Variants in PIK3AP1 observed in about 807,000 individuals in gnomAD.
PIK3AP1 encodes the protein phosphoinositide 3-kinase adapter protein 1.
A neutral mutation model predicts 88.1 loss-of-function variants in PIK3AP1; 21 were observed. The ratio of observed to expected loss-of-function variants is 0.24; its 90% confidence interval spans 0.17 to 0.34. The LOEUF is 0.34. Ranked by LOEUF, PIK3AP1 falls within the 10% of genes least tolerant of loss-of-function variation. The pLI is 1.00. For missense variants in PIK3AP1, 828 were observed against 1,035.7 expected, an observed-to-expected ratio of 0.80 and a Z score of 2.75; for synonymous variants, 398 against 400.0, an observed-to-expected ratio of 1.00 and a Z score of 0.06.
At chr10:96,647,153 A>T (rs1488794584) in intron 7 of PIK3AP1, among the ~76,000 whole-genome samples, 1 of 152,234 alleles carries the variant, frequency 6.6e-6, no homozygotes, top group Non-Finnish European at 1.5e-5. Flanking sequence ...GAAAGCAAAG[A>T]TGGTATGACC....
At chr10:96,671,737 T>C (rs1843850265) in intron 2 of PIK3AP1, among the ~76,000 whole-genome samples, 1 of 152,098 alleles carries the variant, frequency 6.6e-6, no homozygotes, top group Non-Finnish European at 1.5e-5. Flanking sequence ...ACTTTCCTAA[T>C]TCAGACTTTA....
chr10:96,629,930 A>AAAAAAG (rs776780994), intron 8 of PIK3AP1, among the ~76,000 whole-genome samples: 1 of 13,726 alleles, frequency 7.3e-5, no homozygotes, highest in African/African-American at 1.8e-4. Flanking sequence ...AAAAAAAAAA[A>AAAAAAG]AAGAAGAAGA....
chr10:96,637,602 G>A (rs1210770177), intron 8 of PIK3AP1, among the ~76,000 whole-genome samples: 1 of 151,966 alleles, frequency 6.6e-6, no homozygotes, highest in Non-Finnish European at 1.5e-5. Context: ...TGCCCACTTT[G>A]GCCTCCCAAA....
At chr10:96,598,539 A>G (rs1848824035) in intron 16 of PIK3AP1, among the ~76,000 whole-genome samples, 1 of 152,178 alleles carries the variant, frequency 6.6e-6, no homozygotes, top group Admixed American at 6.5e-5. Flanking sequence ...TTACTCTGCC[A>G]GGCACTAGGG....
chr10:96,672,947 C>T (rs1843867363), intron 2 of PIK3AP1, among the ~76,000 whole-genome samples: 1 of 152,218 alleles, frequency 6.6e-6, no homozygotes, highest in African/African-American at 2.4e-5. Context: ...AGATGACTAT[C>T]TCCATTTTGC....
intron 2 of PIK3AP1, among the ~76,000 whole-genome samples, chr10:96,677,626 C>CACAA (rs1554960886): frequency 3.7e-4 from 54 of 146,528 alleles, no homozygotes; most frequent in African/African-American, 1.1e-3. Context: ...CACACACACA[C>CACAA]AAAAGGCCTT....
intron 13 of PIK3AP1, among the ~76,000 whole-genome samples, chr10:96,614,203 C>T (rs1393356852): frequency 6.6e-6 from 1 of 152,232 alleles, no homozygotes; most frequent in Admixed American, 6.5e-5. Flanking sequence ...GACTCCTGGG[C>T]CTTCAAACAC....
At chr10:96,677,440 A>C (rs60908548) in intron 2 of PIK3AP1, among the ~76,000 whole-genome samples, 3,920 of 152,162 alleles carry the variant, frequency 0.026, 182 homozygotes, top group African/African-American at 0.09. Flanking sequence ...TGGGTGAGCC[A>C]CTTCCCCTGG....
At chr10:96,614,397 C>T (rs1314681853) in intron 13 of PIK3AP1, among the ~76,000 whole-genome samples, 1 of 143,290 alleles carries the variant, frequency 7.0e-6, no homozygotes, top group Non-Finnish European at 1.6e-5. Context: ...CTCGAAACAG[C>T]TTTTCTGCCT....
At chr10:96,657,050 C>T (rs1236938011) in intron 2 of PIK3AP1, 116 bp from the exon 3 acceptor site, 1 of 1,085,366 alleles carries the variant, frequency 9.2e-7, no homozygotes, top group Non-Finnish European at 1.3e-6. Context: ...AATGTCAAAC[C>T]AATACAAGCA....
chr10:96,658,024 C>T (rs569866795), intron 2 of PIK3AP1, among the ~76,000 whole-genome samples: 58 of 145,038 alleles, frequency 4.0e-4, no homozygotes, highest in Non-Finnish European at 5.9e-4. Flanking sequence ...GATTGCACCA[C>T]TGCACTCCAG....
intron 2 of PIK3AP1, among the ~76,000 whole-genome samples, chr10:96,708,672 G>A (rs1261745967): frequency 6.7e-6 from 1 of 150,090 alleles, no homozygotes; most frequent in African/African-American, 2.4e-5. Context: ...TTCTGTTACT[G>A]TTAATCAGAG....
chr10:96,654,151 C>T (rs1020060337), intron 3 of PIK3AP1, among the ~76,000 whole-genome samples: 3 of 152,168 alleles, frequency 2.0e-5, no homozygotes, highest in African/African-American at 4.8e-5. Flanking sequence ...AAGAACTTCT[C>T]GGGGGATTAA....
chr10:96,676,979 G>T (rs1181552068), intron 2 of PIK3AP1, among the ~76,000 whole-genome samples: 2 of 152,086 alleles, frequency 1.3e-5, no homozygotes, highest in South Asian at 4.2e-4. Context: ...GGTCATGCTG[G>T]GGTGGAGGGA....
At position 96,709,955 on chromosome 10, in the gene PIK3AP1, G is replaced by T. The variant is rs267602653; in HGVS notation, c.42C>A (p.Ile14=). The T allele has an allele frequency of 6.3e-7, 1 of 1,597,446 alleles. No homozygotes were observed. Among genetic ancestry groups the T allele is most frequent in the Admixed American group, 1.7e-5 (1 of 59,512 alleles). The change falls in exon 2 of 17, where the codon ATC becomes ATA. Residue 14 remains isoleucine (I), a synonymous_variant. Transcript: ENST00000339364. ...ATTCCTCGGCATCCGGGCTGTAGAC[G>T]ATGAGGATGTCGCATCCTCTGGGCA... ...SGVPRGCDIL[I]VYSPDAEEWC... is the part of the protein sequence containing the mutation.
intron 11 of PIK3AP1, chr10:96,621,342 A>C (rs369632153): frequency 6.5e-5 from 10 of 152,836 alleles, no homozygotes; most frequent in African/African-American, 2.4e-4. Flanking sequence ...TAGTCCTCAA[A>C]GGCAACAAAC....
chr10:96,658,279 G>A (rs1843642309), intron 2 of PIK3AP1, among the ~76,000 whole-genome samples: 1 of 152,126 alleles, frequency 6.6e-6, no homozygotes, highest in African/African-American at 2.4e-5. Flanking sequence ...GGTTAGTTTG[G>A]CTGATTCCTG....
At chr10:96,676,488 G>A (rs1016302325) in intron 2 of PIK3AP1, among the ~76,000 whole-genome samples, 5 of 151,712 alleles carry the variant, frequency 3.3e-5, no homozygotes, top group Non-Finnish European at 7.4e-5. Context: ...TCCCAGCCTT[G>A]CTGATCCTCA....
At chr10:96,623,347 G>T in intron 11 of PIK3AP1, 125 bp downstream of exon 11, 1 of 939,202 alleles carries the variant, frequency 1.1e-6, no homozygotes, top group Non-Finnish European at 1.6e-6. Context: ...ACAGGCGTGA[G>T]CCATGATGCC....
Sources: allele counts gnomAD v4.1 joint callset (sites outside exome capture counted in the v4.1 genomes callset), GRCh38; gene constraint gnomAD v4.1.1; transcripts MANE v1.5; gene names NCBI Gene and HGNC (gene_info 2026-07-23, HGNC 2026-07-21).